The following ALPK1 variants were observed in gnomAD, a reference collection of about 807,000 sequenced individuals.
ALPK1 encodes the protein alpha kinase 1.
A neutral mutation model predicts 120.6 loss-of-function variants in ALPK1; 110 were observed. That is an observed-to-expected ratio of 0.91 (90% confidence interval 0.78 to 1.07). ALPK1 has a LOEUF of 1.07. Among genes scored for constraint, ALPK1 ranks in the 50% least tolerant of loss-of-function variants. ALPK1 has a pLI of 0.00. For missense variants in ALPK1, 1,498 were observed against 1,483.9 expected, an observed-to-expected ratio of 1.01 and a Z score of -0.16; for synonymous variants, 582 against 560.3, an observed-to-expected ratio of 1.04 and a Z score of -0.55.
intron 2 of ALPK1, among the ~76,000 whole-genome samples, chr4:112,339,110 T>G (rs1265614681): frequency 6.6e-6 from 1 of 152,228 alleles, no homozygotes; most frequent in Non-Finnish European, 1.5e-5. Context: ...TGTCCAGAAC[T>G]CTTAAGTCAA....
chr4:112,358,666 T>C (rs546367679), intron 2 of ALPK1: 40 of 714,634 alleles, frequency 5.6e-5, no homozygotes, highest in South Asian at 5.2e-4. Flanking sequence ...TGCTCCACCC[T>C]GTCTCTCCCA....
At chr4:112,329,839 T>C (rs1729282757) in intron 2 of ALPK1, among the ~76,000 whole-genome samples, 1 of 152,196 alleles carries the variant, frequency 6.6e-6, no homozygotes, top group Non-Finnish European at 1.5e-5. Context: ...TATAGGCCTG[T>C]CATGTCTGTA....
intron 2 of ALPK1, chr4:112,353,035 G>A (rs1730435508): frequency 6.8e-6 from 1 of 146,922 alleles, no homozygotes; most frequent in Non-Finnish European, 1.5e-5. Context: ...GACTGCAGTG[G>A]TGCAATCTCA....
Position 112,382,687 on chromosome 4 carries a change from T to A in ALPK1, c.276+135T>A, listed in dbSNP as rs1002462417. 6 of 1,239,514 alleles carry A rather than the reference T, an allele frequency of 4.8e-6. No individual in the cohort carries two copies. In the Admixed American group the frequency reaches 8.3e-5, roughly 17 times the overall value. The allele number at this position is 1,239,514 out of a possible 1,614,324, so 76.8% of individuals were successfully genotyped here. On this transcript the variant is annotated intron_variant, in intron 4 of 15. Coordinates refer to ENST00000650871, the MANE Select transcript of ALPK1 (RefSeq NM_025144.4). ...TTATGCTCAGCTCTGCCAGATTGAC[T>A]AATGTGAGGGAAATAGCTGTTTGAA...
intron 4 of ALPK1, among the ~76,000 whole-genome samples, chr4:112,393,784 A>C (rs1442267145): frequency 6.6e-6 from 1 of 152,186 alleles, no homozygotes; most frequent in African/African-American, 2.4e-5. Flanking sequence ...TCTCCAAGTA[A>C]AGTAAGAATT....
At chr4:112,395,911 A>G (rs1732629262) in intron 4 of ALPK1, among the ~76,000 whole-genome samples, 1 of 152,224 alleles carries the variant, frequency 6.6e-6, no homozygotes, top group African/African-American at 2.4e-5. Flanking sequence ...AAATGTAGCT[A>G]GCAAATTTCT....
intron 5 of ALPK1, among the ~76,000 whole-genome samples, chr4:112,419,212 T>C (rs1402221375): frequency 2.0e-5 from 3 of 152,218 alleles, no homozygotes; most frequent in African/African-American, 7.2e-5. Context: ...TTTAAATATA[T>C]TGGTATGAAT....
intron 3 of ALPK1, among the ~76,000 whole-genome samples, chr4:112,378,247 C>G (rs1180291812): frequency 6.6e-6 from 1 of 152,138 alleles, no homozygotes; most frequent in African/African-American, 2.4e-5. Flanking sequence ...GTGGCACATA[C>G]TTTTTTTCAA....
chr4:112,304,670 A>G (rs1471062497), intron 1 of ALPK1, among the ~76,000 whole-genome samples: 3 of 152,042 alleles, frequency 2.0e-5, no homozygotes, highest in African/African-American at 7.3e-5. Context: ...AAATAAGTAG[A>G]TTGCAAAAAT....
chr4:112,435,345 A>G, intron 12 of ALPK1, 44 bp downstream of exon 12: 2 of 1,562,392 alleles, frequency 1.3e-6, no homozygotes, highest in Non-Finnish European at 1.7e-6. Flanking sequence ...AGATGAGCTA[A>G]CCTTGCTCTT....
chr4:112,411,347 C>T (rs1272477893), intron 4 of ALPK1, among the ~76,000 whole-genome samples: 2 of 152,210 alleles, frequency 1.3e-5, no homozygotes, highest in Non-Finnish European at 2.9e-5. Flanking sequence ...GCCTCAGCCT[C>T]CCGAGTAGCT....
intron 1 of ALPK1, among the ~76,000 whole-genome samples, chr4:112,306,044 A>G (rs572527304): frequency 6.6e-6 from 1 of 152,212 alleles, no homozygotes; most frequent in East Asian, 1.9e-4. Context: ...TATATGCTGG[A>G]TTACATCTAT....
At chr4:112,359,287 C>T (rs1157868876) in intron 2 of ALPK1, 6 of 473,052 alleles carry the variant, frequency 1.3e-5, no homozygotes, top group African/African-American at 2.0e-5. Flanking sequence ...CTGGAAGATG[C>T]CTGCAGGGCC....
chr4:112,313,250 C>A (rs1357659685), intron 1 of ALPK1, among the ~76,000 whole-genome samples: 1 of 152,118 alleles, frequency 6.6e-6, no homozygotes, highest in African/African-American at 2.4e-5. Context: ...TGAGACTGAG[C>A]CTTTGCATAC....
intron 2 of ALPK1, chr4:112,358,617 A>G: frequency 1.4e-6 from 1 of 723,190 alleles, no homozygotes. Flanking sequence ...CACAGCGAAC[A>G]GTGGGCTGGG....
rs60165592 is a variant in ALPK1, at chr4:112,426,827, A to G, written c.699+284A>G. On this transcript the variant is annotated intron_variant, in intron 8 of 15. Coordinates refer to ENST00000650871, the MANE Select transcript of ALPK1 (RefSeq NM_025144.4). ...TCCATTCATTTATCTGTTTTGTTAT[A>G]TATTTACTCTTTACTTGATTGCATA... Among the ~76,000 whole-genome samples the G allele has an allele frequency of 7.5e-4, 114 of 152,250 alleles. 1 individual carries two copies. Among genetic ancestry groups the G allele is most frequent in the African/African-American group, 2.7e-3 (112 of 41,548 alleles).
At chr4:112,441,145 T>G (rs61574683) in intron 15 of ALPK1, 40 bp downstream of exon 15, 36,408 of 1,613,632 alleles carry the variant, frequency 0.023, 496 homozygotes, top group Middle Eastern at 0.042. Flanking sequence ...GTGACAGACC[T>G]TAGTGATGCT....
intron 5 of ALPK1, among the ~76,000 whole-genome samples, chr4:112,420,052 T>C (rs1250572171): frequency 6.6e-6 from 1 of 152,208 alleles, no homozygotes; most frequent in Admixed American, 6.5e-5. Context: ...AATTCAAACA[T>C]GTATTTGGAT....
At chr4:112,362,645 AG>A (rs1201317973) in intron 2 of ALPK1, among the ~76,000 whole-genome samples, 1 of 152,240 alleles carries the variant, frequency 6.6e-6, no homozygotes, top group Non-Finnish European at 1.5e-5. Context: ...GAAATCTAAA[AG>A]TTTGGAAAAC....
Sources: gnomAD v4.1 joint callset for allele counts (sites outside exome capture counted in the v4.1 genomes callset) on GRCh38, gnomAD v4.1.1 for gene constraint, MANE v1.5 for transcripts, NCBI Gene and HGNC (gene_info 2026-07-23, HGNC 2026-07-21) for gene names.